Variants in MTUS1 observed in about 807,000 individuals in gnomAD.
The protein encoded by MTUS1 is microtubule associated scaffold protein 1.
Under a neutral mutation model 120.8 loss-of-function variants are expected in MTUS1, and 109 were observed. The observed-to-expected ratio is 0.90, with a 90% confidence interval of 0.77 to 1.06. The LOEUF is 1.06. Among genes scored for constraint, MTUS1 ranks in the 50% least tolerant of loss-of-function variants. The pLI is 0.00. For synonymous variants in MTUS1, 737 were observed against 550.5 expected (o/e 1.34, Z -4.74); for missense variants, 2,210 against 1,486.3 (o/e 1.49, Z -8.01).
intron 2 of MTUS1, among the ~76,000 whole-genome samples, chr8:17,746,806 C>G (rs1018075552): frequency 5.3e-5 from 8 of 152,150 alleles, no homozygotes; most frequent in African/African-American, 1.9e-4. Flanking sequence ...CATAATAATC[C>G]TGTGAAGTTG....
At position 17,754,155 on chromosome 8, in the gene MTUS1, T is replaced by A. The variant is rs1238859334; in HGVS notation, c.1653A>T (p.Thr551=). 4 of 1,613,704 alleles carry A rather than the reference T, an allele frequency of 2.5e-6. No homozygotes were observed. The highest frequency in any genetic ancestry group is 3.4e-6 in the Non-Finnish European group (4 of 1,179,970). The stretch of plus-strand genomic sequence containing the variant: ...CAGATCTCGGTGTTCTGCTCAAGAC[T>A]GTTTGTTGTCTTGAATTCACTGATG... ...SPSSVNSRQQ[T]VLSRTPRSDL... The change falls in exon 2 of 15, where the codon ACA becomes ACT. Residue 551 remains threonine (T), a synonymous_variant. Coordinates refer to ENST00000693296, the MANE Select transcript of MTUS1 (RefSeq NM_001363059.2).
chr8:17,707,143 C>G (rs1820335985), intron 6 of MTUS1, among the ~76,000 whole-genome samples: 1 of 152,136 alleles, frequency 6.6e-6, no homozygotes, highest in Admixed American at 6.5e-5. Context: ...TAAAATATGA[C>G]TCATTTCCAG....
intron 7 of MTUS1, among the ~76,000 whole-genome samples, chr8:17,676,788 C>G (rs1281751119): frequency 2.0e-5 from 3 of 151,996 alleles, no homozygotes; most frequent in Non-Finnish European, 4.4e-5. Context: ...TCTTCGAAGC[C>G]CATATACTAA....
chr8:17,781,510 T>C (rs1037840410), intron 1 of MTUS1, among the ~76,000 whole-genome samples: 1 of 152,232 alleles, frequency 6.6e-6, no homozygotes, highest in Non-Finnish European at 1.5e-5. Flanking sequence ...GTGATTAATA[T>C]TAAACACAAG....
intron 6 of MTUS1, chr8:17,706,019 A>G (rs1820088689): frequency 6.6e-6 from 1 of 152,186 alleles, no homozygotes; most frequent in Admixed American, 6.5e-5. Flanking sequence ...TTGCAGCGTC[A>G]TAACGTTTAA....
chr8:17,653,503 G>A lies in MTUS1; in HGVS notation c.3215-5C>T. On this transcript the variant is annotated splice_polypyrimidine_tract_variant and splice_region_variant and intron_variant, in intron 10 of 14. Coordinates refer to ENST00000693296, the MANE Select transcript of MTUS1 (RefSeq NM_001363059.2). ...TTTCATGGCCTTTCTTAATTTCTGG[G>A]AAAATAAACGGATATTTTTGAGGCA... 1 of 1,595,256 alleles carries A rather than the reference G, an allele frequency of 6.3e-7. No homozygotes were observed. Among genetic ancestry groups the A allele is most frequent in the Non-Finnish European group, 8.6e-7 (1 of 1,166,588 alleles).
At chr8:17,650,171 A>G (rs1210441922) in intron 12 of MTUS1, among the ~76,000 whole-genome samples, 3 of 152,228 alleles carry the variant, frequency 2.0e-5, no homozygotes, top group Non-Finnish European at 4.4e-5. Context: ...TCACTTATTT[A>G]TCAGTAACTT....
Position 17,755,469 on chromosome 8 carries a change from C to G in MTUS1, c.339G>C (p.Lys113Asn), listed in dbSNP as rs1470141604. 6.2e-7 allele frequency: 1 copy of G among 1,614,092 alleles called. No individual in the cohort carries two copies. The highest frequency in any genetic ancestry group is 1.3e-5 in the African/African-American group (1 of 74,936). ...GACAACTGTGTTGCAGATATTTGGG[C>G]TTCTCAGTACCTACAAGTGCAGGAC... is the stretch of plus-strand genomic sequence containing the variant. ...CQCPALVGTE[K>N]PKYLQHSCHS... Residue 113 changes from lysine (K) to asparagine (N), a missense_variant, in exon 2 of 15, where the codon AAG becomes AAC. Lys to Asn is a moderately conservative substitution (Grantham distance 94). Transcript: ENST00000693296.
At chr8:17,747,449 G>A (rs1053042233) in intron 2 of MTUS1, among the ~76,000 whole-genome samples, 1 of 152,112 alleles carries the variant, frequency 6.6e-6, no homozygotes, top group Non-Finnish European at 1.5e-5. Flanking sequence ...ACCCTTGCCT[G>A]TTTACTGTAT....
intron 8 of MTUS1, among the ~76,000 whole-genome samples, chr8:17,662,960 G>A (rs531718635): frequency 2.1e-4 from 32 of 152,176 alleles, no homozygotes; most frequent in African/African-American, 7.2e-4. Flanking sequence ...AGGCCACATT[G>A]AGATTAGAAG....
chr8:17,702,422 AC>A (rs1170138966), intron 6 of MTUS1, among the ~76,000 whole-genome samples: 3 of 152,052 alleles, frequency 2.0e-5, no homozygotes, highest in Non-Finnish European at 4.4e-5. Flanking sequence ...AATGAGATCT[AC>A]CTTCTCAACA....
chr8:17,754,053 G>A lies in MTUS1; in HGVS notation c.1755C>T (p.Ser585=). Reference sequence around the variant, plus strand: ...AATGAGTTGTAACATGCACAGCCTGGCTAGTAATGAGTTTATTAAACTGCT... The same window carrying A: ...AATGAGTTGTAACATGCACAGCCTGACTAGTAATGAGTTTATTAAACTGCT... ...HKQQFNKLIT[S]QAVHVTTHSK... Residue 585 remains serine (S), a synonymous_variant, in exon 2 of 15, where the codon AGC becomes AGT. Transcript: ENST00000693296. 1.9e-6 allele frequency: 3 copies of A among 1,614,058 alleles called. No homozygotes were observed. Among genetic ancestry groups the A allele is most frequent in the Non-Finnish European group, 2.5e-6 (3 of 1,179,994 alleles).
chr8:17,710,373 G>C (rs1288968472), intron 6 of MTUS1, among the ~76,000 whole-genome samples: 2 of 152,168 alleles, frequency 1.3e-5, no homozygotes, highest in Non-Finnish European at 2.9e-5. Flanking sequence ...CATTTCAACA[G>C]TGTTCACATC....
chr8:17,695,278 T>A (rs1817729174), intron 6 of MTUS1, among the ~76,000 whole-genome samples: 2 of 152,208 alleles, frequency 1.3e-5, no homozygotes, highest in African/African-American at 4.8e-5. Context: ...TCCTTGGATC[T>A]AACAAAATTA....
chr8:17,756,339 A>C (rs2048608109), intron 1 of MTUS1, among the ~76,000 whole-genome samples: 1 of 152,146 alleles, frequency 6.6e-6, no homozygotes, highest in Non-Finnish European at 1.5e-5. Flanking sequence ...TGCTTATGAC[A>C]GTCCCAAAGT....
At position 17,646,409 on chromosome 8, in the gene MTUS1, GA is replaced by G. The variant is rs1805800501; in HGVS notation, c.3600-271del. Among the ~76,000 whole-genome samples, 3 of 152,096 alleles carry G rather than the reference GA, an allele frequency of 2.0e-5. No homozygotes were observed. The South Asian group carries it at 6.2e-4, about 32-fold the overall frequency. Reference sequence around the variant, plus strand: ...TCAAGATCAACTTGGGCAACATGGCGAAACTCTGTCTCTATTAAAAATACAA... The same window carrying G: ...TCAAGATCAACTTGGGCAACATGGCGAACTCTGTCTCTATTAAAAATACAA... On this transcript the variant is annotated intron_variant, in intron 14 of 14. Transcript: ENST00000693296.
chr8:17,707,202 T>G (rs1288357300), intron 6 of MTUS1, among the ~76,000 whole-genome samples: 2 of 152,314 alleles, frequency 1.3e-5, no homozygotes, highest in African/African-American at 4.8e-5. Context: ...AATATCACAG[T>G]AGGGAGAAAT....
chr8:17,693,094 T>C (rs1388472904), intron 6 of MTUS1, among the ~76,000 whole-genome samples: 1 of 152,190 alleles, frequency 6.6e-6, no homozygotes, highest in African/African-American at 2.4e-5. Flanking sequence ...TACAAGAATT[T>C]CCAGCTTCAT....
intron 8 of MTUS1, among the ~76,000 whole-genome samples, chr8:17,667,709 C>T (rs1811193043): frequency 6.6e-6 from 1 of 152,206 alleles, no homozygotes; most frequent in South Asian, 2.1e-4. Flanking sequence ...ATCAAACTTT[C>T]CCTGTGGTGA....
Sources: allele counts gnomAD v4.1 joint callset (sites outside exome capture counted in the v4.1 genomes callset), GRCh38; gene constraint gnomAD v4.1.1; transcripts MANE v1.5; gene names NCBI Gene and HGNC (gene_info 2026-07-23, HGNC 2026-07-21).